PPP1R13B: variants seen among roughly 807,000 people sequenced by gnomAD.
The protein encoded by PPP1R13B is protein phosphatase 1 regulatory subunit 13B, also known as apoptosis-stimulating of p53 protein 1.
In PPP1R13B, 44 loss-of-function variants were observed where a neutral mutation model predicts 119.8. That is an observed-to-expected ratio of 0.37 (90% CI 0.29 to 0.47). The LOEUF is 0.47. Ranked by LOEUF, PPP1R13B falls within the 20% of genes least tolerant of loss-of-function variation. PPP1R13B has a pLI of 0.99. For missense variants in PPP1R13B, 1,227 were observed against 1,413.5 expected, an observed-to-expected ratio of 0.87 and a Z score of 2.12; for synonymous variants, 542 against 561.5, an observed-to-expected ratio of 0.97 and a Z score of 0.49.
intron 2 of PPP1R13B, among the ~76,000 whole-genome samples, chr14:103,793,092 A>G (rs1595780831): frequency 1.2e-5 from 1 of 84,032 alleles, no homozygotes. Flanking sequence ...AAGGGAAGGA[A>G]GGGGAGGGGA....
intron 8 of PPP1R13B, chr14:103,747,337 A>T (rs913502687): frequency 1.3e-5 from 2 of 152,112 alleles, no homozygotes; most frequent in African/African-American, 4.8e-5. Context: ...CTTTGGGTGG[A>T]GACGCATCTC....
Position 103,734,701 on chromosome 14 carries a change from G to A in PPP1R13B, c.*453C>T, listed in dbSNP as rs1008044073. 2.2e-6 allele frequency: 1 copy of A among 458,018 alleles called. No homozygotes were observed. Among genetic ancestry groups the A allele is most frequent in the Non-Finnish European group, 4.4e-6 (1 of 227,800 alleles). The allele number at this position is 458,018 out of a possible 1,614,324, so 28.4% of individuals were successfully genotyped here. On this transcript the variant is annotated 3_prime_UTR_variant, in exon 17 of 17. Coordinates refer to ENST00000202556, the MANE Select transcript of PPP1R13B (RefSeq NM_015316.3). Reference sequence around the variant, plus strand: ...AGGGAAGAAGGATCATGTGTGGGAAGTGTGAGAAAGGATGAGTGTCCGATT... The same window carrying A: ...AGGGAAGAAGGATCATGTGTGGGAAATGTGAGAAAGGATGAGTGTCCGATT...
intron 1 of PPP1R13B, among the ~76,000 whole-genome samples, chr14:103,829,531 G>A (rs1347676890): frequency 6.6e-6 from 1 of 151,942 alleles, no homozygotes; most frequent in African/African-American, 2.4e-5. Context: ...CAAAATGATG[G>A]GATTACAAGA....
chr14:103,786,076 G>A (rs1567122376), intron 2 of PPP1R13B, among the ~76,000 whole-genome samples: 1 of 151,978 alleles, frequency 6.6e-6, no homozygotes, highest in Non-Finnish European at 1.5e-5. Flanking sequence ...TCTTTGCTCT[G>A]CCACCCAGGC....
rs369701340 is a variant in PPP1R13B, at chr14:103,763,500, TAG to T, written c.355-5751_355-5750del. On this transcript the variant is annotated intron_variant, in intron 4 of 16. Transcript: ENST00000202556. ...CCTTTTCTTCATTTATTAAGTTGAATAGAGAGTTGACTTATTTTTAGTTTGCT... is the reference window on the plus strand; with the variant it reads ...CCTTTTCTTCATTTATTAAGTTGAATAGAGTTGACTTATTTTTAGTTTGCT... Among the ~76,000 whole-genome samples the T allele has an allele frequency of 9.2e-5, 14 of 152,252 alleles. No individual in the cohort carries two copies. In the South Asian group the frequency reaches 1.0e-3, roughly 11 times the overall value.
chr14:103,745,310 A>G (rs2084359235), intron 9 of PPP1R13B, among the ~76,000 whole-genome samples: 1 of 152,236 alleles, frequency 6.6e-6, no homozygotes, highest in South Asian at 2.1e-4. Context: ...GCAAACAAAG[A>G]TGAGCACAAA....
chr14:103,738,593 C>A lies in PPP1R13B; in HGVS notation c.2864+86G>T. The A allele has an allele frequency of 1.3e-6, 2 of 1,556,946 alleles. No homozygotes were observed. Among genetic ancestry groups the A allele is most frequent in the Non-Finnish European group, 1.8e-6 (2 of 1,141,378 alleles). On this transcript the variant is annotated intron_variant, in intron 14 of 16. Coordinates refer to ENST00000202556, the MANE Select transcript of PPP1R13B (RefSeq NM_015316.3). The surrounding 1 kb of genome is among the most constrained non-coding windows in gnomAD (Gnocchi z 5.6). ...TCTTGCTCTAATTCTCTCTTCCGTG[C>A]TTCCTAATTGTCTAGAACACGCCTG...
Position 103,734,927 on chromosome 14 carries a change from A to C in PPP1R13B, c.*227T>G. The C allele has an allele frequency of 1.5e-6, 1 of 674,590 alleles. No homozygotes were observed. The highest frequency in any genetic ancestry group is 1.5e-5 in the South Asian group (1 of 66,124). The allele number at this position is 674,590 out of a possible 1,614,324, so 41.8% of individuals were successfully genotyped here. On this transcript the variant is annotated 3_prime_UTR_variant, in exon 17 of 17. Transcript: ENST00000202556. ...TGGGTATTTATTTGGATTTATAGTA[A>C]TTGGCAAAATTCAGTCCTTGGAGGC...
chr14:103,784,633 A>G (rs1412878390), intron 3 of PPP1R13B, among the ~76,000 whole-genome samples, 162 bp downstream of exon 3: 1 of 151,040 alleles, frequency 6.6e-6, no homozygotes, highest in Non-Finnish European at 1.5e-5. Flanking sequence ...AATGGTAAAC[A>G]ACACTAACAG....
At chr14:103,735,220 G>A (rs2084066576) in intron 16 of PPP1R13B, 25 bp from the exon 17 acceptor site, 4 of 1,613,520 alleles carry the variant, frequency 2.5e-6, no homozygotes, top group South Asian at 2.2e-5. Context: ...AGCCGCGTCA[G>A]GACAGGAAGC....
Position 103,742,096 on chromosome 14 carries a change from T to C in PPP1R13B, c.1516A>G (p.Thr506Ala). 6.2e-7 allele frequency: 1 copy of C among 1,613,710 alleles called. No homozygotes were observed. The highest frequency in any genetic ancestry group is 8.5e-7 in the Non-Finnish European group (1 of 1,179,944). The part of the protein sequence containing the change: ...SRQRPTLLPA[T>A]GSTPQPGSSQ... ...GAGCCTGGCTGGGGGGTGCTGCCTGTGGCGGGCAGCAGGGTGGGCCTCTGT... is the reference window on the plus strand; with the variant it reads ...GAGCCTGGCTGGGGGGTGCTGCCTGCGGCGGGCAGCAGGGTGGGCCTCTGT... The change falls in exon 11 of 17, where the codon ACA (threonine) becomes GCA (alanine). Residue 506 changes from threonine to alanine, a missense_variant. Coordinates refer to ENST00000202556, the MANE Select transcript of PPP1R13B (RefSeq NM_015316.3). The surrounding 1 kb of genome is among the most constrained non-coding windows in gnomAD (Gnocchi z 4.9).
At chr14:103,822,794 C>T (rs1195905733) in intron 1 of PPP1R13B, among the ~76,000 whole-genome samples, 3 of 151,508 alleles carry the variant, frequency 2.0e-5, no homozygotes, top group Middle Eastern at 6.9e-3. Context: ...GTCTGAGAGA[C>T]AGAGCAAGAC....
intron 1 of PPP1R13B, among the ~76,000 whole-genome samples, chr14:103,806,017 G>A (rs904040715): frequency 6.6e-6 from 1 of 152,180 alleles, no homozygotes; most frequent in Non-Finnish European, 1.5e-5. Flanking sequence ...AAACTTTACG[G>A]CACATAAATT....
chr14:103,811,403 CT>C, intron 1 of PPP1R13B, among the ~76,000 whole-genome samples: 1 of 152,232 alleles, frequency 6.6e-6, no homozygotes, highest in Non-Finnish European at 1.5e-5. Flanking sequence ...TGGTTCACAC[CT>C]ATAATCCCAG....
intron 1 of PPP1R13B, among the ~76,000 whole-genome samples, chr14:103,833,705 C>T (rs1011374094): frequency 3.3e-5 from 5 of 152,018 alleles, no homozygotes; most frequent in African/African-American, 1.2e-4. Flanking sequence ...ACCTTCACTC[C>T]CTCTTCCTCA....
chr14:103,745,356 G>C (rs1378788672), intron 9 of PPP1R13B, among the ~76,000 whole-genome samples: 4 of 152,230 alleles, frequency 2.6e-5, no homozygotes, highest in African/African-American at 9.6e-5. Context: ...TCGAAACACA[G>C]GCCTGATGGC....
At chr14:103,754,548 T>A (rs550093031) in intron 5 of PPP1R13B, among the ~76,000 whole-genome samples, 1 of 108,730 alleles carries the variant, frequency 9.2e-6, no homozygotes, top group Non-Finnish European at 1.7e-5. Context: ...GGTGCCAGAG[T>A]GAGACTCAGT....
At position 103,757,682 on chromosome 14, in the gene PPP1R13B, T is replaced by C. The variant is rs760543330; in HGVS notation, c.424A>G (p.Ile142Val). 6.2e-7 allele frequency: 1 copy of C among 1,614,022 alleles called. No homozygotes were observed. Among genetic ancestry groups the C allele is most frequent in the Non-Finnish European group, 8.5e-7 (1 of 1,180,000 alleles). Residue 142 changes from isoleucine (I) to valine (V), a missense_variant, in exon 5 of 17, where the codon ATT becomes GTT. Coordinates refer to ENST00000202556, the MANE Select transcript of PPP1R13B (RefSeq NM_015316.3). ...QDMAARQQQQIENQQQMLVAK... is the reference protein window; with the variant it reads ...QDMAARQQQQVENQQQMLVAK... ...ACCAACATCTGCTGCTGATTTTCAATCTGCTGCTGTTGCCTAGCTGCCATA... is the reference window on the plus strand; with the variant it reads ...ACCAACATCTGCTGCTGATTTTCAACCTGCTGCTGTTGCCTAGCTGCCATA...
chr14:103,799,581 G>C (rs989604310), intron 1 of PPP1R13B, among the ~76,000 whole-genome samples: 1 of 151,528 alleles, frequency 6.6e-6, no homozygotes, highest in African/African-American at 2.4e-5. Context: ...CCAAAGTGCT[G>C]GGATTATAGG....
Sources: allele counts gnomAD v4.1 joint callset (sites outside exome capture counted in the v4.1 genomes callset), GRCh38; gene constraint gnomAD v4.1.1; non-coding constraint Gnocchi (gnomAD v3.1); transcripts MANE v1.5; gene names NCBI Gene and HGNC (gene_info 2026-07-23, HGNC 2026-07-21).